Variants in LRRC3C observed in about 807,000 individuals in gnomAD.
LRRC3C encodes the protein leucine rich repeat containing 3C, also known as leucine-rich repeat-containing protein 3C.
Under a neutral mutation model 14.8 loss-of-function variants are expected in LRRC3C, and 11 were observed. The observed-to-expected ratio is 0.74, with a 90% CI of 0.47 to 1.23. LRRC3C has a LOEUF of 1.23. Ranked by LOEUF, LRRC3C falls within the 50% of genes most tolerant of loss-of-function variation. The pLI is 0.00. For synonymous variants in LRRC3C, 149 were observed against 161.5 expected (o/e 0.92, Z 0.59); for missense variants, 354 against 361.8 (o/e 0.98, Z 0.18).
Position 39,935,873 on chromosome 17 carries a change from C to T in LRRC3C, c.-103C>T, listed in dbSNP as rs1978782571. Reference sequence around the variant, plus strand: ...CCAGTAACCTGGCATTAGACGGGTCCCTGGCTGACCTGATAAAGAAGGTAG... The same window carrying T: ...CCAGTAACCTGGCATTAGACGGGTCTCTGGCTGACCTGATAAAGAAGGTAG... On this transcript the variant is annotated 5_prime_UTR_variant, in exon 2 of 4. Transcript: ENST00000377924. 1.0e-6 allele frequency: 1 copy of T among 985,404 alleles called. No homozygotes were observed. The highest frequency in any genetic ancestry group is 1.1e-4 in the East Asian group (1 of 8,816). The allele number at this position is 985,404 out of a possible 1,614,324, so 61.0% of individuals were successfully genotyped here.
chr17:39,931,235 G>A (rs1369630723), intron 1 of LRRC3C, among the ~76,000 whole-genome samples: 1 of 151,486 alleles, frequency 6.6e-6, no homozygotes, highest in African/African-American at 2.4e-5. Context: ...CACAAGGTCA[G>A]GAGTTTGAGA....
chr17:39,941,370 A>T, intron 2 of LRRC3C, 73 bp from the exon 3 acceptor site: 13 of 425,988 alleles, frequency 3.1e-5, no homozygotes, highest in East Asian at 8.6e-5. Flanking sequence ...AAAAAAAAAA[A>T]GGAAGAAATT....
chr17:39,940,577 A>C (rs148480340), intron 2 of LRRC3C, among the ~76,000 whole-genome samples: 1 of 150,348 alleles, frequency 6.7e-6, no homozygotes, highest in Non-Finnish European at 1.5e-5. Flanking sequence ...ATGGTCTGCT[A>C]ATTTATTTTT....
chr17:39,944,617 G>T lies in LRRC3C; in HGVS notation c.711G>T (p.Val237=). Residue 237 remains valine (V), a synonymous_variant, in exon 4 of 4, where the codon GTG becomes GTT. Coordinates refer to ENST00000377924, the MANE Select transcript of LRRC3C (RefSeq NM_001195545.2). The part of the protein sequence containing the change: ...VTMGGWLTLM[V]AYLVHYVWQN... ...TGGGGGGCTGGCTGACACTCATGGT[G>T]GCTTATCTGGTGCATTATGTGTGGC... The T allele has an allele frequency of 6.5e-7, 1 of 1,535,954 alleles. No homozygotes were observed. Among genetic ancestry groups the T allele is most frequent in the Non-Finnish European group, 8.7e-7 (1 of 1,146,870 alleles).
intron 2 of LRRC3C, among the ~76,000 whole-genome samples, chr17:39,940,882 CA>C (rs774498810): frequency 2.0e-5 from 3 of 152,142 alleles, no homozygotes; most frequent in Non-Finnish European, 2.9e-5. Context: ...GCTGGGATTA[CA>C]GGTGTGTGCC....
At chr17:39,929,803 C>T (rs530009180) in intron 1 of LRRC3C, among the ~76,000 whole-genome samples, 23 of 152,242 alleles carry the variant, frequency 1.5e-4, no homozygotes, top group Non-Finnish European at 2.6e-4. Context: ...AAAAAAATTA[C>T]AGTATATCCA....
chr17:39,932,425 C>A (rs1343694828), intron 1 of LRRC3C, among the ~76,000 whole-genome samples: 1 of 152,076 alleles, frequency 6.6e-6, no homozygotes, highest in African/African-American at 2.4e-5. Flanking sequence ...GACCTTGGGC[C>A]GGGCACTGTG....
At chr17:39,933,527 G>A (rs886157858) in intron 1 of LRRC3C, among the ~76,000 whole-genome samples, 3 of 152,182 alleles carry the variant, frequency 2.0e-5, no homozygotes, top group African/African-American at 7.2e-5. Context: ...GAGGTCAGGA[G>A]ATCGAGACCA....
At chr17:39,933,696 G>A (rs566512585) in intron 1 of LRRC3C, among the ~76,000 whole-genome samples, 5 of 152,158 alleles carry the variant, frequency 3.3e-5, no homozygotes, top group African/African-American at 1.2e-4. Context: ...TGGCGCCACA[G>A]CACTCCAGCC....
At chr17:39,942,053 A>G (rs1380044377) in intron 3 of LRRC3C, among the ~76,000 whole-genome samples, 2 of 152,212 alleles carry the variant, frequency 1.3e-5, no homozygotes, top group Non-Finnish European at 2.9e-5. Flanking sequence ...GATCACATCT[A>G]TGACCCTTTG....
chr17:39,933,464 A>G (rs7221814), intron 1 of LRRC3C, among the ~76,000 whole-genome samples: 98,376 of 152,084 alleles, frequency 0.65, 32,839 homozygotes, highest in African/African-American at 0.82. Context: ...GCTGGGTGCG[A>G]TGGCTCACGC....
chr17:39,941,349 T>TA (rs11344927), intron 2 of LRRC3C, 94 bp from the exon 3 acceptor site: 3,670 of 268,960 alleles, frequency 0.014, 2 homozygotes, highest in Non-Finnish European at 0.016. Context: ...AGACTTTATC[T>TA]AAAAAAAAAA....
chr17:39,941,123 G>A (rs1978926361), intron 2 of LRRC3C, among the ~76,000 whole-genome samples: 2 of 151,790 alleles, frequency 1.3e-5, no homozygotes, highest in Admixed American at 1.3e-4. Context: ...GCCGAAGTGG[G>A]TGGATCACTA....
chr17:39,935,678 A>G (rs535387996), intron 1 of LRRC3C, 124 bp from the exon 2 acceptor site: 18 of 306,208 alleles, frequency 5.9e-5, no homozygotes, highest in South Asian at 2.6e-4. Context: ...ACAACTCTGA[A>G]TCCCCAATGC....
intron 2 of LRRC3C, among the ~76,000 whole-genome samples, chr17:39,936,115 G>A (rs1003346197): frequency 2.0e-5 from 3 of 152,198 alleles, no homozygotes; most frequent in Admixed American, 2.0e-4. Flanking sequence ...GACTGCCGAG[G>A]GTGGGAGGCT....
chr17:39,931,218 G>A (rs1271546685), intron 1 of LRRC3C, among the ~76,000 whole-genome samples: 3 of 150,822 alleles, frequency 2.0e-5, no homozygotes, highest in Non-Finnish European at 4.4e-5. Context: ...AGGTGAGGCA[G>A]GCAGATCACA....
intron 1 of LRRC3C, among the ~76,000 whole-genome samples, chr17:39,933,595 T>C (rs1302988306): frequency 1.1e-4 from 16 of 151,762 alleles, no homozygotes; most frequent in Non-Finnish European, 1.6e-4. Context: ...TAGCCGGGCG[T>C]GGTGGCGGGC....
intron 1 of LRRC3C, among the ~76,000 whole-genome samples, chr17:39,929,685 A>G (rs1354170423): frequency 6.6e-6 from 1 of 152,224 alleles, no homozygotes; most frequent in Non-Finnish European, 1.5e-5. Context: ...TTTTGGTAGC[A>G]TATTCTAAGG....
intron 2 of LRRC3C, among the ~76,000 whole-genome samples, chr17:39,937,193 TG>T (rs767726479): frequency 3.0e-4 from 46 of 152,014 alleles, no homozygotes; most frequent in Middle Eastern, 3.4e-3. Flanking sequence ...CCCAGCACCT[TG>T]GGAGGCCAAG....
Sources: gnomAD v4.1 joint callset for allele counts (sites outside exome capture counted in the v4.1 genomes callset) on GRCh38, gnomAD v4.1.1 for gene constraint, MANE v1.5 for transcripts, NCBI Gene and HGNC (gene_info 2026-07-23, HGNC 2026-07-21) for gene names.